Variants in ABI1 observed in about 807,000 individuals in gnomAD.
The protein encoded by ABI1 is Abelson interactor 1.
In ABI1, 14 loss-of-function variants were observed where a neutral mutation model predicts 54.6. The ratio of observed to expected loss-of-function variants is 0.26; its 90% CI spans 0.17 to 0.40. The LOEUF is 0.40. ABI1 is among the 10% of genes least tolerant of loss of function. The pLI, the probability that ABI1 is intolerant of heterozygous loss-of-function variation, is 1.00. For missense variants in ABI1, 443 were observed against 598.3 expected (o/e 0.74, Z 2.71); for synonymous variants, 194 against 209.3 (o/e 0.93, Z 0.63).
At chr10:26,770,075 A>T (rs1041187501) in intron 5 of ABI1, among the ~76,000 whole-genome samples, 170 bp downstream of exon 5, 3 of 152,258 alleles carry the variant, frequency 2.0e-5, no homozygotes, top group Non-Finnish European at 2.9e-5. Context: ...CAAAGCTGGC[A>T]GATTCATTTG....
intron 1 of ABI1, among the ~76,000 whole-genome samples, chr10:26,852,348 G>A (rs546587799): frequency 3.9e-5 from 6 of 152,114 alleles, no homozygotes; most frequent in Admixed American, 1.3e-4. Context: ...GCGTGGTGGC[G>A]CATCCCTGTA....
At chr10:26,778,692 T>C (rs1270335205) in intron 2 of ABI1, among the ~76,000 whole-genome samples, 1 of 152,142 alleles carries the variant, frequency 6.6e-6, no homozygotes, top group East Asian at 1.9e-4. Flanking sequence ...TCTGTACATC[T>C]TGTGAGAAGA....
intron 2 of ABI1, among the ~76,000 whole-genome samples, chr10:26,810,641 C>T (rs1009521746): frequency 1.3e-5 from 2 of 152,026 alleles, no homozygotes; most frequent in South Asian, 2.1e-4. Context: ...AACAAAGGAA[C>T]ACAGCTATGT....
chr10:26,827,851 C>G (rs2133865732), intron 1 of ABI1, among the ~76,000 whole-genome samples: 1 of 152,280 alleles, frequency 6.6e-6, no homozygotes, highest in East Asian at 1.9e-4. Context: ...CCTCAGCCTC[C>G]CAAAGTGCTG....
At chr10:26,794,052 G>A (rs534324000) in intron 2 of ABI1, among the ~76,000 whole-genome samples, 15 of 152,254 alleles carry the variant, frequency 9.9e-5, no homozygotes, top group Admixed American at 2.0e-4. Context: ...AGACCAGCCT[G>A]GCCAACATGG....
At position 26,751,517 on chromosome 10, in the gene ABI1, T is replaced by C. The variant is rs992824481; in HGVS notation, c.1270+81A>G. On this transcript the variant is annotated intron_variant, in intron 10 of 10. Transcript: ENST00000376140. ...AGGCAGTTTAAAAGGCTGAGAAACA[T>C]TGGATTAGATGTTCTTTATAGTTCT... 15 of 1,381,398 alleles carry C rather than the reference T, an allele frequency of 1.1e-5. No individual in the cohort carries two copies. The East Asian group carries it at 3.4e-4, about 32-fold the overall frequency. 85.6% of individuals were successfully genotyped at this position (1,381,398 alleles called of 1,614,324 possible).
chr10:26,842,320 G>A (rs561803188), intron 1 of ABI1, among the ~76,000 whole-genome samples: 1 of 152,270 alleles, frequency 6.6e-6, no homozygotes, highest in South Asian at 2.1e-4. Flanking sequence ...ATGAATTTTA[G>A]ATATTAATCC....
chr10:26,790,833 C>A (rs1286928008), intron 2 of ABI1, among the ~76,000 whole-genome samples: 1 of 152,002 alleles, frequency 6.6e-6, no homozygotes, highest in Non-Finnish European at 1.5e-5. Flanking sequence ...CTTTGGGAGG[C>A]CAAGGAGGAT....
intron 1 of ABI1, among the ~76,000 whole-genome samples, chr10:26,845,172 A>G (rs188141535): frequency 2.6e-4 from 40 of 151,764 alleles, no homozygotes; most frequent in Admixed American, 9.2e-4. Flanking sequence ...TGCTTGACAT[A>G]TTCTCTTTCC....
At chr10:26,844,417 T>C (rs771746429) in intron 1 of ABI1, among the ~76,000 whole-genome samples, 3 of 152,208 alleles carry the variant, frequency 2.0e-5, no homozygotes, top group Non-Finnish European at 4.4e-5. Context: ...ACCAACAATC[T>C]GTAATGCAGA....
At chr10:26,753,865 A>G (rs1426943554) in intron 9 of ABI1, among the ~76,000 whole-genome samples, 1 of 152,230 alleles carries the variant, frequency 6.6e-6, no homozygotes, top group Non-Finnish European at 1.5e-5. Context: ...ATATAGTACC[A>G]AGAGCCTCTT....
At chr10:26,752,514 C>T (rs879512190) in intron 9 of ABI1, among the ~76,000 whole-genome samples, 12 of 151,644 alleles carry the variant, frequency 7.9e-5, no homozygotes, top group Non-Finnish European at 1.6e-4. Flanking sequence ...AACATAAGCA[C>T]GGGATGAGGG....
chr10:26,846,927 G>A (rs1413363505), intron 1 of ABI1, among the ~76,000 whole-genome samples: 1 of 152,034 alleles, frequency 6.6e-6, no homozygotes, highest in Non-Finnish European at 1.5e-5. Flanking sequence ...GACACACCAA[G>A]CTAGGTGGCA....
At chr10:26,803,838 T>G (rs2046711333) in intron 2 of ABI1, among the ~76,000 whole-genome samples, 1 of 152,146 alleles carries the variant, frequency 6.6e-6, no homozygotes, top group Admixed American at 6.6e-5. Context: ...GATACAGTGA[T>G]ATACAAAACA....
intron 1 of ABI1, among the ~76,000 whole-genome samples, chr10:26,847,779 T>C (rs2134173941): frequency 6.6e-6 from 1 of 152,212 alleles, no homozygotes; most frequent in Non-Finnish European, 1.5e-5. Context: ...ATGTATATAA[T>C]AAAAGGGGGA....
intron 1 of ABI1, among the ~76,000 whole-genome samples, chr10:26,847,941 G>T (rs2050102412): frequency 2.0e-5 from 3 of 151,842 alleles, no homozygotes; most frequent in Non-Finnish European, 2.9e-5. Context: ...GCCGAGTCAG[G>T]AGGATTGCTA....
chr10:26,822,396 C>A (rs1328115821), intron 2 of ABI1, among the ~76,000 whole-genome samples: 1 of 141,926 alleles, frequency 7.0e-6, no homozygotes, highest in Non-Finnish European at 1.5e-5. Context: ...AGCATATGAC[C>A]ACACAAAGAT....
At chr10:26,797,042 T>C (rs1205078781) in intron 2 of ABI1, among the ~76,000 whole-genome samples, 1 of 152,216 alleles carries the variant, frequency 6.6e-6, no homozygotes, top group African/African-American at 2.4e-5. Flanking sequence ...AGCCACGGAC[T>C]AGTACAGGCC....
At chr10:26,792,261 T>C (rs1035908469) in intron 2 of ABI1, among the ~76,000 whole-genome samples, 1 of 152,220 alleles carries the variant, frequency 6.6e-6, no homozygotes, top group Non-Finnish European at 1.5e-5. Flanking sequence ...ACATTTATTC[T>C]TTTGAATAAG....
Sources: gnomAD v4.1 joint callset for allele counts (sites outside exome capture counted in the v4.1 genomes callset) on GRCh38, gnomAD v4.1.1 for gene constraint, MANE v1.5 for transcripts, NCBI Gene and HGNC (gene_info 2026-07-23, HGNC 2026-07-21) for gene names.